PPP1R36: variants seen among roughly 807,000 people sequenced by gnomAD.
The protein encoded by PPP1R36 is chromosome 14 open reading frame 50.
In PPP1R36, 47 loss-of-function variants were observed where a neutral mutation model predicts 53.4. The observed-to-expected ratio is 0.88, with a 90% CI of 0.70 to 1.12. The LOEUF (loss-of-function observed/expected upper bound fraction) is 1.12, where lower values mean the gene tolerates loss of function less well. Among genes scored for constraint, PPP1R36 ranks in the 50% most tolerant of loss-of-function variants. PPP1R36 has a pLI of 0.00. For missense variants in PPP1R36, 456 were observed against 513.9 expected, an observed-to-expected ratio of 0.89 and a Z score of 1.09; for synonymous variants, 153 against 170.5, an observed-to-expected ratio of 0.90 and a Z score of 0.80.
chr14:64,566,544 A>C (rs1367569852), intron 6 of PPP1R36, among the ~76,000 whole-genome samples: 3 of 152,084 alleles, frequency 2.0e-5, no homozygotes. Context: ...ACTCTGGGTA[A>C]GTTTCTTGAC....
In PPP1R36 at chr14:64,588,203, C is replaced by T. The variant is rs142941569; in HGVS notation, c.990C>T (p.Asn330=). ...LLPSLREKAQ[N]VFEKKYHQVD... ...CATCTCTCAGAGAAAAAGCTCAAAA[C>T]GTCTTTGAGAAAAAGTATCATCAAG... The change falls in exon 11 of 12, where the codon AAC becomes AAT. Residue 330 remains asparagine (N), a synonymous_variant. Transcript: ENST00000298705. The T allele has an allele frequency of 1.1e-5, 18 of 1,614,084 alleles. No homozygotes were observed. The East Asian group carries it at 2.2e-4, about 20-fold the overall frequency.
At chr14:64,574,998 G>A (rs767981326) in intron 8 of PPP1R36, among the ~76,000 whole-genome samples, 81 of 152,312 alleles carry the variant, frequency 5.3e-4, no homozygotes, top group Non-Finnish European at 1.0e-3. Flanking sequence ...TTGTGAGTAG[G>A]AGCTGCTGAG....
chr14:64,551,732 T>C (rs1038284847), intron 2 of PPP1R36: 1 of 452,848 alleles, frequency 2.2e-6, no homozygotes. Context: ...TGTCTAATGC[T>C]AAAGCCCTTT....
chr14:64,581,092 T>G (rs1265895661), intron 8 of PPP1R36, among the ~76,000 whole-genome samples: 2 of 151,946 alleles, frequency 1.3e-5, no homozygotes, highest in Non-Finnish European at 2.9e-5. Flanking sequence ...AAGGCAGGAG[T>G]ACATTTCAGG....
rs367753961 is a variant in PPP1R36 at position 64,554,142 on chromosome 14, G to GTTTTTTTTTTT, written c.182+1297_182+1307dup. Among the ~76,000 whole-genome samples, 9 of 65,260 alleles carry GTTTTTTTTTTT rather than the reference G, an allele frequency of 1.4e-4. 1 individual carries two copies. Among genetic ancestry groups the GTTTTTTTTTTT allele is most frequent in the African/African-American group, 5.0e-4 (8 of 16,080 alleles). The allele number at this position is 65,260 out of a possible 152,430, so 42.8% of individuals were successfully genotyped here. The stretch of plus-strand genomic sequence containing the variant: ...AGTCTGAGCAAATCCCATCACAATT[G>GTTTTTTTTTTT]TTTTTTTTTTTTTTTTTTTTTTTTT... On this transcript the variant is annotated intron_variant, in intron 3 of 11. Transcript: ENST00000298705.
At position 64,579,310 on chromosome 14, in the gene PPP1R36, T is replaced by C. The variant is rs542631808; in HGVS notation, c.668+4721T>C. Among the ~76,000 whole-genome samples the C allele has an allele frequency of 2.6e-5, 4 of 152,272 alleles. No homozygotes were observed. In the South Asian group the frequency reaches 8.3e-4, roughly 32 times the overall value. ...AAACCCAAAAGGACAAGAGCATATA[T>C]AAACTAATGGAATTATTACATTTAA... On this transcript the variant is annotated intron_variant, in intron 8 of 11. Transcript: ENST00000298705.
At chr14:64,577,372 T>C (rs918468327) in intron 8 of PPP1R36, among the ~76,000 whole-genome samples, 4 of 152,200 alleles carry the variant, frequency 2.6e-5, no homozygotes, top group Non-Finnish European at 4.4e-5. Context: ...TGCCAGTGTC[T>C]GGGTGCAGCA....
intron 8 of PPP1R36, among the ~76,000 whole-genome samples, chr14:64,579,349 T>C (rs2080368203): frequency 6.6e-6 from 1 of 151,932 alleles, no homozygotes; most frequent in Non-Finnish European, 1.5e-5. Context: ...CTCTGATGAG[T>C]GAGGTATAGT....
At chr14:64,588,502 T>C in intron 11 of PPP1R36, 1 of 424,916 alleles carries the variant, frequency 2.4e-6, no homozygotes, top group Non-Finnish European at 4.1e-6. Context: ...AAACAATTGC[T>C]AGAAAGTGGT....
At chr14:64,573,741 T>C (rs7141346) in intron 7 of PPP1R36, among the ~76,000 whole-genome samples, 115,444 of 150,764 alleles carry the variant, frequency 0.77, 44,530 homozygotes, top group East Asian at 0.86. Context: ...GGTGAAACCC[T>C]GTCTCTACTA....
rs769696491 is a variant in PPP1R36, at chr14:64,588,117, A to G, written c.904A>G (p.Lys302Glu). 6.2e-7 allele frequency: 1 copy of G among 1,600,306 alleles called. No individual in the cohort carries two copies. Among genetic ancestry groups the G allele is most frequent in the African/African-American group, 1.3e-5 (1 of 74,398 alleles). ...CCTCCCCGACAGGAGAATGATGGCA[A>G]AACGCCCAGCAATTAAAAAAGCTAT... ...TFVQFRRMMA[K>E]RPAIKKAINM... Residue 302 changes from lysine to glutamate, a missense_variant, in exon 11 of 12, where the codon AAA becomes GAA. By Grantham distance (56) the Lys-to-Glu change is moderately conservative. Coordinates refer to ENST00000298705, the MANE Select transcript of PPP1R36 (RefSeq NM_172365.3).
Position 64,562,094 on chromosome 14 carries a change from T to C in PPP1R36, c.183-2657T>C, listed in dbSNP as rs548728004. 1.7e-4 allele frequency: 41 copies of C among 246,312 alleles called. No individual in the cohort carries two copies. In the South Asian group the frequency reaches 1.9e-3, roughly 11 times the overall value. The allele number at this position is 246,312 out of a possible 1,614,324, so 15.3% of individuals were successfully genotyped here. ...TACATCTACCTTGTACTCTGGGAGA[T>C]AGTAGGAGGGTATAGGCTAGCTAGC... On this transcript the variant is annotated intron_variant, in intron 3 of 11. Coordinates refer to ENST00000298705, the MANE Select transcript of PPP1R36 (RefSeq NM_172365.3).
At chr14:64,567,360 AT>A (rs1388027675) in intron 6 of PPP1R36, among the ~76,000 whole-genome samples, 1 of 152,266 alleles carries the variant, frequency 6.6e-6, no homozygotes, top group Admixed American at 6.5e-5. Flanking sequence ...TGTCTATAAT[AT>A]TTTTAAAAAA....
chr14:64,550,123 G>A, intron 1 of PPP1R36, 57 bp downstream of exon 1: 11 of 1,531,780 alleles, frequency 7.2e-6, no homozygotes, highest in Non-Finnish European at 9.7e-6. Flanking sequence ...GGGCCCTGCT[G>A]CCCCCAACCG....
chr14:64,550,466 T>G (rs1431493158), intron 1 of PPP1R36, among the ~76,000 whole-genome samples: 2 of 152,230 alleles, frequency 1.3e-5, no homozygotes, highest in Admixed American at 1.3e-4. Context: ...AGGCTCAGTG[T>G]TGGAGCCCGG....
chr14:64,585,527 A>T, intron 8 of PPP1R36, among the ~76,000 whole-genome samples: 2 of 145,272 alleles, frequency 1.4e-5, no homozygotes, highest in African/African-American at 5.6e-5. Flanking sequence ...AAAAAAAAAA[A>T]AAAAAAAAAA....
intron 3 of PPP1R36, among the ~76,000 whole-genome samples, chr14:64,554,954 C>G (rs2080136013): frequency 6.6e-6 from 1 of 151,966 alleles, no homozygotes; most frequent in African/African-American, 2.4e-5. Context: ...AGGAGAAAGG[C>G]AAGTGCAAAA....
intron 8 of PPP1R36, among the ~76,000 whole-genome samples, chr14:64,578,797 C>T (rs1304191670): frequency 1.3e-5 from 2 of 152,192 alleles, no homozygotes; most frequent in Admixed American, 1.3e-4. Flanking sequence ...GTCATAAAGA[C>T]ACATGCATGC....
chr14:64,564,366 GATC>G (rs1241129263), intron 3 of PPP1R36, among the ~76,000 whole-genome samples: 2 of 152,190 alleles, frequency 1.3e-5, no homozygotes, highest in East Asian at 3.8e-4. Context: ...TAAAGATGGT[GATC>G]ATATTTTGTG....
Sources: gnomAD v4.1 joint callset for allele counts (sites outside exome capture counted in the v4.1 genomes callset) on GRCh38, gnomAD v4.1.1 for gene constraint, MANE v1.5 for transcripts, NCBI Gene and HGNC (gene_info 2026-07-23, HGNC 2026-07-21) for gene names.